RFTN1: variants seen among roughly 807,000 people sequenced by gnomAD.
The protein encoded by RFTN1 is raftlin.
RFTN1 carries 26 observed loss-of-function variants against 46.5 expected under a neutral mutation model. The observed-to-expected ratio is 0.56, with a 90% CI of 0.41 to 0.78. The LOEUF (loss-of-function observed/expected upper bound fraction) is 0.78, where lower values mean the gene tolerates loss of function less well. Among genes scored for constraint, RFTN1 ranks in the 30% least tolerant of loss-of-function variants. The pLI is 0.00. For missense variants in RFTN1, 693 were observed against 718.7 expected, an observed-to-expected ratio of 0.96 and a Z score of 0.41; for synonymous variants, 261 against 284.2, an observed-to-expected ratio of 0.92 and a Z score of 0.82.
intron 7 of RFTN1, among the ~76,000 whole-genome samples, chr3:16,330,105 A>C (rs1283278436): frequency 6.6e-6 from 1 of 152,228 alleles, no homozygotes; most frequent in East Asian, 1.9e-4. Context: ...GTACAGAATC[A>C]TAAAGGCCAA....
chr3:16,495,767 C>T (rs1034976533), intron 1 of RFTN1, among the ~76,000 whole-genome samples: 7 of 152,186 alleles, frequency 4.6e-5, no homozygotes, highest in East Asian at 1.9e-4. Flanking sequence ...TGTGAGAATT[C>T]GAAAAAGGTG....
At position 16,440,122 on chromosome 3, in the gene RFTN1, G is replaced by A. The variant is rs1443176522; in HGVS notation, c.146-6085C>T. ...CCGTTACCTTCCAAAAAGAGAAAAT[G>A]CCAGCCTACTCAGAGTGGGCCGCTG... On this transcript the variant is annotated intron_variant, in intron 2 of 9. Transcript: ENST00000334133. The surrounding 1 kb of genome is among the most constrained non-coding windows in gnomAD (Gnocchi z 4.6). Among the ~76,000 whole-genome samples the A allele has an allele frequency of 6.6e-6, 1 of 152,168 alleles. No individual in the cohort carries two copies. Among genetic ancestry groups the A allele is most frequent in the East Asian group, 1.9e-4 (1 of 5,194 alleles).
chr3:16,415,107 G>A (rs745766317), intron 3 of RFTN1, among the ~76,000 whole-genome samples: 30 of 152,076 alleles, frequency 2.0e-4, no homozygotes, highest in Non-Finnish European at 4.4e-5. Context: ...GGCTCAGAGT[G>A]GGTTGGCAAC....
intron 9 of RFTN1, among the ~76,000 whole-genome samples, chr3:16,319,503 G>A (rs1435452759): frequency 6.6e-6 from 1 of 152,186 alleles, no homozygotes; most frequent in Non-Finnish European, 1.5e-5. Context: ...TATTGTATTT[G>A]ATGTGAATAG....
At chr3:16,373,902 G>A (rs2073631433) in intron 5 of RFTN1, among the ~76,000 whole-genome samples, 1 of 152,174 alleles carries the variant, frequency 6.6e-6, no homozygotes, top group African/African-American at 2.4e-5. Flanking sequence ...AGGGCCCCAG[G>A]CTGCTCCATC....
intron 2 of RFTN1, among the ~76,000 whole-genome samples, chr3:16,487,834 A>G (rs1020897872): frequency 3.9e-5 from 6 of 152,208 alleles, no homozygotes; most frequent in Admixed American, 1.3e-4. Flanking sequence ...TTTTGCAGAA[A>G]TTGTGATGCT....
In RFTN1 at chr3:16,498,529, G is replaced by A. The variant is rs74383203; in HGVS notation, c.-8-4652C>T. On this transcript the variant is annotated intron_variant, in intron 1 of 9. Transcript: ENST00000334133. This position sits in a 1 kb window ranked among gnomAD's most constrained non-coding sequence, Gnocchi z 5.2. ...ATAAATACCAGCCAGCAGCAAAACTGTAATATCATTGAATCCTTGAATCTC... is the reference window on the plus strand; with the variant it reads ...ATAAATACCAGCCAGCAGCAAAACTATAATATCATTGAATCCTTGAATCTC... Among the ~76,000 whole-genome samples, 752 of 152,342 alleles carry A rather than the reference G, an allele frequency of 4.9e-3. 5 individuals carry two copies. The highest frequency in any genetic ancestry group is 0.016 in the African/African-American group (652 of 41,578).
Position 16,402,133 on chromosome 3 carries a change from T to C in RFTN1, c.441+7242A>G, listed in dbSNP as rs969109797. ...TCTCTGCCCCCAGGGCTCCTCATGC[T>C]GTGTTCTTGGTCCTTACAGATGACC... is the stretch of plus-strand genomic sequence containing the variant. On this transcript the variant is annotated intron_variant, in intron 4 of 9. Coordinates refer to ENST00000334133, the MANE Select transcript of RFTN1 (RefSeq NM_015150.2). The surrounding 1 kb of genome is among the most constrained non-coding windows in gnomAD (Gnocchi z 4.5). Among the ~76,000 whole-genome samples the C allele has an allele frequency of 5.3e-5, 8 of 152,228 alleles. No homozygotes were observed. The highest frequency in any genetic ancestry group is 1.9e-4 in the African/African-American group (8 of 41,458).
intron 4 of RFTN1, among the ~76,000 whole-genome samples, chr3:16,378,491 C>T (rs1215034950): frequency 2.6e-5 from 4 of 152,024 alleles, no homozygotes; most frequent in Admixed American, 6.5e-5. Context: ...TTTTTTCGGA[C>T]GAATCACTGA....
At chr3:16,408,079 CCT>C (rs1456196880) in intron 4 of RFTN1, among the ~76,000 whole-genome samples, 1 of 152,128 alleles carries the variant, frequency 6.6e-6, no homozygotes, top group Non-Finnish European at 1.5e-5. Flanking sequence ...CCTTTACAGC[CCT>C]GTCCCAGCTG....
At chr3:16,391,900 T>G (rs1289322425) in intron 4 of RFTN1, among the ~76,000 whole-genome samples, 1 of 115,710 alleles carries the variant, frequency 8.6e-6, no homozygotes, top group Non-Finnish European at 1.8e-5. Flanking sequence ...TTTTGTTTTT[T>G]TTACGGGGAA....
At chr3:16,393,746 C>T (rs1329481497) in intron 4 of RFTN1, among the ~76,000 whole-genome samples, 1 of 151,764 alleles carries the variant, frequency 6.6e-6, no homozygotes, top group Non-Finnish European at 1.5e-5. Context: ...GCCAGCTCCA[C>T]CTCCTGGGTT....
intron 9 of RFTN1, among the ~76,000 whole-genome samples, chr3:16,323,008 A>T (rs1285236168): frequency 6.6e-6 from 1 of 152,164 alleles, no homozygotes; most frequent in Non-Finnish European, 1.5e-5. Flanking sequence ...TGATAATGAG[A>T]TTAAGACACA....
At chr3:16,493,963 T>C in intron 1 of RFTN1, 86 bp from the exon 2 acceptor site, 1 of 1,475,526 alleles carries the variant, frequency 6.8e-7, no homozygotes, top group Non-Finnish European at 9.3e-7. Context: ...TGCCGTAATT[T>C]TCCTGAAGAA....
At position 16,361,125 on chromosome 3, in the gene RFTN1, T is replaced by C. The variant is rs1203419079; in HGVS notation, c.1031-3078A>G. Among the ~76,000 whole-genome samples the C allele has an allele frequency of 6.6e-6, 1 of 152,222 alleles. No individual in the cohort carries two copies. The highest frequency in any genetic ancestry group is 2.4e-5 in the African/African-American group (1 of 41,470). ...TCTACAAGGCTCTTGAAGGCCTAAC[T>C]AGAATCAAAGAGTTTTTTAAAACTA... On this transcript the variant is annotated intron_variant, in intron 6 of 9. Transcript: ENST00000334133. The surrounding 1 kb of genome is among the most constrained non-coding windows in gnomAD (Gnocchi z 4.3).
rs2074642037 is a variant in RFTN1 at position 16,403,000 on chromosome 3, G to GA, written c.441+6374dup. On this transcript the variant is annotated intron_variant, in intron 4 of 9. Transcript: ENST00000334133. This position sits in a 1 kb window ranked among gnomAD's most constrained non-coding sequence, Gnocchi z 4.5. ...GGCAAAGGCCACCATGTCTTATCTG[G>GA]ACAAGGGCAGGGAGCGTGGCTTTCT... Among the ~76,000 whole-genome samples, 1 of 152,166 alleles carries GA rather than the reference G, an allele frequency of 6.6e-6. No homozygotes were observed. The highest frequency in any genetic ancestry group is 1.5e-5 in the Non-Finnish European group (1 of 68,040).
In RFTN1 at chr3:16,457,865, G is replaced by T. The variant is rs558049253; in HGVS notation, c.146-23828C>A. Among the ~76,000 whole-genome samples the T allele has an allele frequency of 1.3e-5, 2 of 152,172 alleles. No individual in the cohort carries two copies. Among genetic ancestry groups the T allele is most frequent in the South Asian group, 4.1e-4 (2 of 4,832 alleles). ...GGTGAGTCCTTTTGAGAGGTGCTTA[G>T]GTCATGAGGGCTCAGCCCTTATGAG... On this transcript the variant is annotated intron_variant, in intron 2 of 9. Transcript: ENST00000334133. This position sits in a 1 kb window ranked among gnomAD's most constrained non-coding sequence, Gnocchi z 4.2.
rs2076254724 is a variant in RFTN1 at position 16,474,762 on chromosome 3, T to C, written c.145+18963A>G. On this transcript the variant is annotated intron_variant, in intron 2 of 9. Transcript: ENST00000334133. This position sits in a 1 kb window ranked among gnomAD's most constrained non-coding sequence, Gnocchi z 5.5. Reference sequence around the variant, plus strand: ...CCATTTGTTAGCCCAACATTCCCCATGGAGCCAGTTGGGAGATGACATCTT... The same window carrying C: ...CCATTTGTTAGCCCAACATTCCCCACGGAGCCAGTTGGGAGATGACATCTT... 6.6e-6 allele frequency among the ~76,000 whole-genome samples: 1 copy of C among 152,210 alleles called. No individual in the cohort carries two copies. The highest frequency in any genetic ancestry group is 1.5e-5 in the Non-Finnish European group (1 of 68,022).
rs1394865692 is a variant in RFTN1, at chr3:16,448,152, T to TTTTTA, written c.146-14120_146-14116dup. On this transcript the variant is annotated intron_variant, in intron 2 of 9. Coordinates refer to ENST00000334133, the MANE Select transcript of RFTN1 (RefSeq NM_015150.2). This position sits in a 1 kb window ranked among gnomAD's most constrained non-coding sequence, Gnocchi z 4.1. Reference sequence around the variant, plus strand: ...AAAAAAAAAGTCTCCCAATAATAATTTTTTATTGATTCCATATTGAAATGA... The same window carrying TTTTTA: ...AAAAAAAAAGTCTCCCAATAATAATTTTTTATTTTATTGATTCCATATTGAAATGA... 2.0e-5 allele frequency among the ~76,000 whole-genome samples: 3 copies of TTTTTA among 152,120 alleles called. No individual in the cohort carries two copies. Among genetic ancestry groups the TTTTTA allele is most frequent in the Non-Finnish European group, 4.4e-5 (3 of 68,014 alleles).
Sources: allele counts gnomAD v4.1 joint callset (sites outside exome capture counted in the v4.1 genomes callset), GRCh38; gene constraint gnomAD v4.1.1; non-coding constraint Gnocchi (gnomAD v3.1); transcripts MANE v1.5; gene names NCBI Gene and HGNC (gene_info 2026-07-23, HGNC 2026-07-21).